The following SNTG1 variants were observed in gnomAD, a reference collection of about 807,000 sequenced individuals.
The protein encoded by SNTG1 is gamma-1-syntrophin.
Under a neutral mutation model 74.7 loss-of-function variants are expected in SNTG1, and 39 were observed. The ratio of observed to expected loss-of-function variants is 0.52; its 90% CI spans 0.40 to 0.68. The LOEUF (loss-of-function observed/expected upper bound fraction) is 0.68. Among genes scored for constraint, SNTG1 ranks in the 30% least tolerant of loss-of-function variants. The probability of loss-of-function intolerance (pLI) is 0.00; values close to 1 mark genes in which losing one functional copy is unlikely to be tolerated. For synonymous variants in SNTG1, 254 were observed against 217.1 expected (o/e 1.17, Z -1.49); for missense variants, 685 against 609.5 (o/e 1.12, Z -1.30).
intron 13 of SNTG1, among the ~76,000 whole-genome samples, chr8:50,620,744 G>C (rs1042869661): frequency 6.6e-6 from 1 of 152,148 alleles, no homozygotes; most frequent in South Asian, 2.1e-4. Flanking sequence ...ACTTTTGCTT[G>C]TATATTAAAT....
chr8:50,222,326 T>G, intron 2 of SNTG1, among the ~76,000 whole-genome samples: 1 of 152,140 alleles, frequency 6.6e-6, no homozygotes, highest in East Asian at 1.9e-4. Context: ...AACTATAAAC[T>G]AAATTTCTCC....
intron 17 of SNTG1, among the ~76,000 whole-genome samples, chr8:50,715,281 C>G (rs1352012030): frequency 6.6e-6 from 1 of 152,140 alleles, no homozygotes; most frequent in Non-Finnish European, 1.5e-5. Flanking sequence ...GACTCTTAAA[C>G]ATGGGTAAGA....
At chr8:50,223,506 T>C (rs1056133751) in intron 2 of SNTG1, among the ~76,000 whole-genome samples, 14 of 152,140 alleles carry the variant, frequency 9.2e-5, no homozygotes, top group Non-Finnish European at 1.6e-4. Flanking sequence ...CTATTTATCC[T>C]TATTGAGTTT....
chr8:50,269,459 C>T (rs2087660559), intron 2 of SNTG1, among the ~76,000 whole-genome samples: 1 of 152,114 alleles, frequency 6.6e-6, no homozygotes, highest in Non-Finnish European at 1.5e-5. Flanking sequence ...GGTGTTACCA[C>T]TCGGGGAAAT....
intron 1 of SNTG1, among the ~76,000 whole-genome samples, chr8:50,069,896 A>T (rs190237692): frequency 2.5e-4 from 38 of 150,858 alleles, no homozygotes; most frequent in Admixed American, 2.1e-3. Context: ...AGGCCATCGG[A>T]CTCCCCTGGG....
At chr8:50,074,482 C>G (rs189867473) in intron 1 of SNTG1, among the ~76,000 whole-genome samples, 19 of 152,018 alleles carry the variant, frequency 1.2e-4, no homozygotes, top group Non-Finnish European at 2.2e-4. Flanking sequence ...TCAGGGAGGT[C>G]CGAGTAGAGT....
intron 18 of SNTG1, among the ~76,000 whole-genome samples, chr8:50,778,803 C>A (rs1238554221): frequency 6.6e-6 from 1 of 151,224 alleles, no homozygotes; most frequent in Non-Finnish European, 1.5e-5. Context: ...AATGGTAATG[C>A]CTAGGTTTTC....
intron 2 of SNTG1, among the ~76,000 whole-genome samples, chr8:50,223,694 C>G (rs2085182270): frequency 6.6e-6 from 1 of 152,040 alleles, no homozygotes; most frequent in African/African-American, 2.4e-5. Flanking sequence ...AAGGCTGTCT[C>G]TACATCAATG....
chr8:50,635,625 C>T (rs1047778365), intron 13 of SNTG1, among the ~76,000 whole-genome samples: 1 of 152,268 alleles, frequency 6.6e-6, no homozygotes, highest in East Asian at 1.9e-4. Context: ...CACTTAAGGC[C>T]AGGCCACTGA....
At chr8:50,791,605 C>T (rs1446255834) in intron 18 of SNTG1, among the ~76,000 whole-genome samples, 1 of 151,668 alleles carries the variant, frequency 6.6e-6, no homozygotes. Flanking sequence ...TAATATTTTC[C>T]ACTGCCACAT....
At chr8:50,350,950 T>G (rs1268125914) in intron 2 of SNTG1, among the ~76,000 whole-genome samples, 1 of 152,180 alleles carries the variant, frequency 6.6e-6, no homozygotes, top group Non-Finnish European at 1.5e-5. Flanking sequence ...TTGGAGGCTG[T>G]GGAAGCTTTG....
intron 1 of SNTG1, among the ~76,000 whole-genome samples, chr8:50,102,908 C>G (rs1271149502): frequency 6.7e-6 from 1 of 150,254 alleles, no homozygotes; most frequent in East Asian, 2.0e-4. Flanking sequence ...TGTTCTGTTC[C>G]ATTGATCTAT....
At chr8:50,005,002 C>T (rs1432446632) in intron 1 of SNTG1, among the ~76,000 whole-genome samples, 15 of 151,988 alleles carry the variant, frequency 9.9e-5, no homozygotes, top group Admixed American at 6.6e-5. Flanking sequence ...TGGCCTTTTC[C>T]GCGAGCCAGA....
At chr8:50,737,980 TCC>T (rs2131646506) in intron 17 of SNTG1, among the ~76,000 whole-genome samples, 1 of 152,130 alleles carries the variant, frequency 6.6e-6, no homozygotes, top group South Asian at 2.1e-4. Flanking sequence ...TGGGAAGCAT[TCC>T]CTTTGAAAAC....
intron 1 of SNTG1, among the ~76,000 whole-genome samples, chr8:49,960,243 C>A (rs1432585249): frequency 6.6e-6 from 1 of 152,146 alleles, no homozygotes; most frequent in Non-Finnish European, 1.5e-5. Flanking sequence ...TCTTGACTCT[C>A]AATTTGTATC....
intron 2 of SNTG1, among the ~76,000 whole-genome samples, chr8:50,364,302 A>G (rs1339146462): frequency 6.6e-6 from 1 of 152,152 alleles, no homozygotes; most frequent in African/African-American, 2.4e-5. Flanking sequence ...GTCATGAATG[A>G]TGAAAGACAC....
chr8:50,594,215 A>T (rs1402687124), intron 13 of SNTG1, among the ~76,000 whole-genome samples: 1 of 152,210 alleles, frequency 6.6e-6, no homozygotes, highest in Non-Finnish European at 1.5e-5. Flanking sequence ...CCAGGCCTAC[A>T]TCACACTACT....
intron 8 of SNTG1, among the ~76,000 whole-genome samples, chr8:50,471,037 C>T (rs935248717): frequency 6.6e-6 from 1 of 152,026 alleles, no homozygotes; most frequent in African/African-American, 2.4e-5. Context: ...TTACAGAGTG[C>T]TGATTGATGC....
At chr8:50,064,170 C>G (rs1006051824) in intron 1 of SNTG1, among the ~76,000 whole-genome samples, 1 of 152,166 alleles carries the variant, frequency 6.6e-6, no homozygotes, top group African/African-American at 2.4e-5. Flanking sequence ...TACATGTTAG[C>G]TATTTGTAGA....
Sources: gnomAD v4.1 joint callset for allele counts (sites outside exome capture counted in the v4.1 genomes callset) on GRCh38, gnomAD v4.1.1 for gene constraint, MANE v1.5 for transcripts, NCBI Gene and HGNC (gene_info 2026-07-23, HGNC 2026-07-21) for gene names.